Variants in SLC39A11 observed in about 807,000 individuals in gnomAD.
The protein encoded by SLC39A11 is solute carrier family 39 member 11.
In SLC39A11, 33 loss-of-function variants were observed where a neutral mutation model predicts 36.1. The observed-to-expected ratio is 0.91, with a 90% CI of 0.69 to 1.22. SLC39A11 has a LOEUF of 1.22. Among genes scored for constraint, SLC39A11 ranks in the 50% most tolerant of loss-of-function variants. The pLI, the probability that SLC39A11 is intolerant of heterozygous loss-of-function variation, is 0.00. For synonymous variants in SLC39A11, 166 were observed against 170.3 expected, an observed-to-expected ratio of 0.97 and a Z score of 0.20; for missense variants, 432 against 430.3, an observed-to-expected ratio of 1.00 and a Z score of -0.03.
intron 4 of SLC39A11, among the ~76,000 whole-genome samples, chr17:73,024,864 A>ATTTTTTTTTTTTTTTTTTT (rs1163840820): frequency 3.1e-5 from 3 of 97,900 alleles, no homozygotes; most frequent in African/African-American, 3.9e-5. Flanking sequence ...TGCCCAGCTA[A>ATTTTTTTTTTTTTTTTTTT]TTTTTTTTTT....
chr17:72,675,124 G>A (rs765806537), intron 7 of SLC39A11, among the ~76,000 whole-genome samples: 4 of 152,194 alleles, frequency 2.6e-5, no homozygotes, highest in African/African-American at 7.2e-5. Context: ...CTTCCATAGC[G>A]CTATGGTCTA....
intron 4 of SLC39A11, among the ~76,000 whole-genome samples, chr17:73,023,871 A>G (rs2058442965): frequency 6.6e-6 from 1 of 152,136 alleles, no homozygotes; most frequent in South Asian, 2.1e-4. Context: ...ACGTAAAGAA[A>G]CACCAGGGAT....
intron 7 of SLC39A11, among the ~76,000 whole-genome samples, chr17:72,715,986 C>T (rs980249603): frequency 5.9e-5 from 9 of 152,092 alleles, no homozygotes; most frequent in Admixed American, 2.0e-4. Flanking sequence ...CGTGAGCCAC[C>T]GTGCCCGGCC....
rs145335971 is a variant in SLC39A11 at position 72,653,055 on chromosome 17, G to A, written c.672-3787C>T. Among the ~76,000 whole-genome samples, 57 of 152,212 alleles carry A rather than the reference G, an allele frequency of 3.7e-4. No individual in the cohort carries two copies. The East Asian group carries it at 8.5e-3, about 23-fold the overall frequency. The stretch of plus-strand genomic sequence containing the variant: ...GGGGAGAGCTGCTGGAAGGGAGTAG[G>A]GGGCATTCTGATGAGCCTGGTGGGC... On this transcript the variant is annotated intron_variant, in intron 7 of 9. Coordinates refer to ENST00000255559, the MANE Select transcript of SLC39A11 (RefSeq NM_139177.4).
chr17:72,846,881 T>G (rs766114327), intron 6 of SLC39A11, among the ~76,000 whole-genome samples: 2 of 152,202 alleles, frequency 1.3e-5, no homozygotes, highest in Non-Finnish European at 2.9e-5. Flanking sequence ...GAAAAACAAG[T>G]AACCTCTCTT....
At chr17:72,841,509 T>A (rs2078806185) in intron 6 of SLC39A11, among the ~76,000 whole-genome samples, 1 of 151,874 alleles carries the variant, frequency 6.6e-6, no homozygotes, top group African/African-American at 2.4e-5. Flanking sequence ...ACAATTGAAC[T>A]CATGGAGATA....
chr17:73,040,576 T>C (rs2059072274), intron 3 of SLC39A11, among the ~76,000 whole-genome samples: 1 of 152,248 alleles, frequency 6.6e-6, no homozygotes, highest in South Asian at 2.1e-4. Flanking sequence ...TTATGTAAGA[T>C]GTTCACATTG....
chr17:72,804,317 C>T (rs777463482), intron 6 of SLC39A11, among the ~76,000 whole-genome samples: 23 of 152,082 alleles, frequency 1.5e-4, no homozygotes, highest in Non-Finnish European at 2.6e-4. Flanking sequence ...GGGAGTTCTG[C>T]CCAGTGGTCA....
intron 6 of SLC39A11, among the ~76,000 whole-genome samples, chr17:72,803,270 C>T (rs1359586010): frequency 6.6e-6 from 1 of 152,256 alleles, no homozygotes; most frequent in Non-Finnish European, 1.5e-5. Context: ...GCCCGTGGTG[C>T]TGCCATAGGG....
intron 6 of SLC39A11, among the ~76,000 whole-genome samples, chr17:72,741,915 C>A (rs924361837): frequency 6.6e-6 from 1 of 151,884 alleles, no homozygotes; most frequent in African/African-American, 2.4e-5. Flanking sequence ...AGAATGAGTA[C>A]CCAGCCGGGC....
intron 4 of SLC39A11, among the ~76,000 whole-genome samples, chr17:72,960,529 C>A (rs1449313212): frequency 6.6e-6 from 1 of 152,124 alleles, no homozygotes; most frequent in South Asian, 2.1e-4. Context: ...TGGTGGTTCA[C>A]GCCTGTAATC....
intron 5 of SLC39A11, among the ~76,000 whole-genome samples, chr17:72,945,244 ACTGCTG>A (rs1262278247): frequency 1.3e-5 from 2 of 152,208 alleles, no homozygotes; most frequent in Non-Finnish European, 1.5e-5. Context: ...GGCTGCCGTC[ACTGCTG>A]CTGCTCCTCA....
At chr17:72,981,437 T>C (rs1474503371) in intron 4 of SLC39A11, among the ~76,000 whole-genome samples, 1 of 152,188 alleles carries the variant, frequency 6.6e-6, no homozygotes, top group South Asian at 2.1e-4. Flanking sequence ...GGAGAAAAGA[T>C]GGATTATTCA....
At chr17:72,966,350 A>AT (rs2086971955) in intron 4 of SLC39A11, among the ~76,000 whole-genome samples, 1 of 152,156 alleles carries the variant, frequency 6.6e-6, no homozygotes, top group African/African-American at 2.4e-5. Flanking sequence ...TCCTACAAAG[A>AT]TTATCTGTTG....
At chr17:72,996,240 C>T (rs1250401400) in intron 4 of SLC39A11, among the ~76,000 whole-genome samples, 1 of 152,244 alleles carries the variant, frequency 6.6e-6, no homozygotes, top group Non-Finnish European at 1.5e-5. Context: ...CCGTCTCTTA[C>T]CGCAGCTGCA....
chr17:72,666,183 C>T (rs546602635), intron 7 of SLC39A11, among the ~76,000 whole-genome samples: 10 of 152,298 alleles, frequency 6.6e-5, no homozygotes, highest in South Asian at 2.1e-4. Flanking sequence ...CCCTAAACAA[C>T]GAGGGTATTG....
At chr17:72,658,783 T>C (rs2143982067) in intron 7 of SLC39A11, among the ~76,000 whole-genome samples, 1 of 151,880 alleles carries the variant, frequency 6.6e-6, no homozygotes, top group South Asian at 2.1e-4. Context: ...AACTGAAAAA[T>C]GGGCATAAAA....
intron 6 of SLC39A11, among the ~76,000 whole-genome samples, chr17:72,781,877 C>A (rs1366904059): frequency 6.7e-6 from 1 of 148,962 alleles, no homozygotes; most frequent in African/African-American, 2.5e-5. Context: ...ACTTTCCATC[C>A]ATCACCATCC....
At chr17:72,665,889 C>A (rs1306233106) in intron 7 of SLC39A11, among the ~76,000 whole-genome samples, 1 of 151,926 alleles carries the variant, frequency 6.6e-6, no homozygotes, top group Non-Finnish European at 1.5e-5. Flanking sequence ...ATTATCTGTT[C>A]TTTCTCCCAC....
Sources: allele counts gnomAD v4.1 joint callset (sites outside exome capture counted in the v4.1 genomes callset), GRCh38; gene constraint gnomAD v4.1.1; transcripts MANE v1.5; gene names NCBI Gene and HGNC (gene_info 2026-07-23, HGNC 2026-07-21).